PRDM10: variants seen among roughly 807,000 people sequenced by gnomAD.
PRDM10 encodes PR domain zinc finger protein 10.
A neutral mutation model predicts 133.1 loss-of-function variants in PRDM10; 65 were observed. That is an observed-to-expected ratio of 0.49 (90% CI 0.40 to 0.60). PRDM10 has a LOEUF of 0.60. Among genes scored for constraint, PRDM10 ranks in the 20% least tolerant of loss-of-function variants. PRDM10 has a pLI of 0.00. For synonymous variants in PRDM10, 582 were observed against 580.4 expected (o/e 1.00, Z -0.04); for missense variants, 1,137 against 1,507.1 (o/e 0.75, Z 4.07).
chr11:129,977,963 TAAA>T (rs200249658), intron 1 of PRDM10, among the ~76,000 whole-genome samples: 17 of 145,864 alleles, frequency 1.2e-4, no homozygotes, highest in South Asian at 4.3e-4. Flanking sequence ...ACCCTGTCTT[TAAA>T]AAAAAAAAGA....
chr11:129,905,363 GAAAA>G (rs57268294), intron 20 of PRDM10, among the ~76,000 whole-genome samples: 1 of 69,442 alleles, frequency 1.4e-5, no homozygotes, highest in Non-Finnish European at 2.8e-5. Flanking sequence ...CTCTGTCTCA[GAAAA>G]AAAAAAAAAA....
intron 8 of PRDM10, among the ~76,000 whole-genome samples, chr11:129,935,698 C>G (rs1467142429): frequency 6.6e-6 from 1 of 152,210 alleles, no homozygotes; most frequent in Admixed American, 6.5e-5. Flanking sequence ...CAACTCCACT[C>G]CTACATACAT....
intron 18 of PRDM10, among the ~76,000 whole-genome samples, chr11:129,911,527 A>C (rs1331205623): frequency 6.6e-6 from 1 of 152,224 alleles, no homozygotes; most frequent in East Asian, 1.9e-4. Flanking sequence ...ATCTAAACAG[A>C]ATAACCCTGT....
chr11:129,939,462 C>G (rs189436159), intron 7 of PRDM10, among the ~76,000 whole-genome samples: 4 of 152,278 alleles, frequency 2.6e-5, no homozygotes, highest in Admixed American at 2.6e-4. Context: ...AAATCCTACC[C>G]TGATCAATTC....
At chr11:129,914,495 T>C (rs752449665) in intron 17 of PRDM10, 21 of 705,316 alleles carry the variant, frequency 3.0e-5, no homozygotes, top group Non-Finnish European at 4.9e-5. Flanking sequence ...GAACCTAAAA[T>C]TTCCTGACTA....
In PRDM10 at chr11:129,971,443, A is replaced by G. The variant is rs1190749354; in HGVS notation, c.-118-10361T>C. Among the ~76,000 whole-genome samples, 19 of 152,106 alleles carry G rather than the reference A, an allele frequency of 1.2e-4. 1 individual carries two copies. Among genetic ancestry groups the G allele is most frequent in the Non-Finnish European group, 1.8e-4 (12 of 68,026 alleles). On this transcript the variant is annotated intron_variant, in intron 1 of 20. Transcript: ENST00000360871. Reference sequence around the variant, plus strand: ...TTAGTTAGATACAGAGTGTCGACACAAAGGTTCTCCAAGGCCCCACCAGAG... The same window carrying G: ...TTAGTTAGATACAGAGTGTCGACACGAAGGTTCTCCAAGGCCCCACCAGAG...
intron 19 of PRDM10, among the ~76,000 whole-genome samples, chr11:129,907,780 T>C (rs998460777): frequency 6.6e-6 from 1 of 151,988 alleles, no homozygotes; most frequent in African/African-American, 2.4e-5. Flanking sequence ...ATTTTAAATA[T>C]ATTTGTGGGT....
chr11:129,945,100 G>A lies in PRDM10; in HGVS notation c.521-88C>T, dbSNP rs531080272. The A allele has an allele frequency of 6.5e-7, 1 of 1,530,662 alleles. No homozygotes were observed. Among genetic ancestry groups the A allele is most frequent in the Non-Finnish European group, 8.8e-7 (1 of 1,130,326 alleles). 94.8% of individuals were successfully genotyped at this position (1,530,662 alleles called of 1,614,324 possible). On this transcript the variant is annotated intron_variant, in intron 5 of 20. Coordinates refer to ENST00000360871, the MANE Select transcript of PRDM10 (RefSeq NM_199437.2). This position sits in a 1 kb window ranked among gnomAD's most constrained non-coding sequence, Gnocchi z 4.2. ...AAAAATTCTGACCCGAAAAATCCCC[G>A]TCTGCATTTTCAAGCCAAAATTCAA...
At chr11:129,965,268 A>G (rs1951881946) in intron 1 of PRDM10, among the ~76,000 whole-genome samples, 1 of 152,182 alleles carries the variant, frequency 6.6e-6, no homozygotes, top group Non-Finnish European at 1.5e-5. Context: ...AAAGAAAGAA[A>G]AGAAATCTAA....
At chr11:129,961,136 T>C (rs1951787944) in intron 1 of PRDM10, 54 bp from the exon 2 acceptor site, 1 of 502,160 alleles carries the variant, frequency 2.0e-6, no homozygotes, top group Non-Finnish European at 3.5e-6. Flanking sequence ...TACATTTTAA[T>C]ATATTATAAT....
chr11:129,964,713 A>C lies in PRDM10; in HGVS notation c.-118-3631T>G, dbSNP rs1951869337. 2.0e-5 allele frequency among the ~76,000 whole-genome samples: 3 copies of C among 152,258 alleles called. No homozygotes were observed. The South Asian group carries it at 6.2e-4, about 31-fold the overall frequency. ...AGGTTATTTCTAATATTTTGCAATT[A>C]CATGTGACACTATGATGAGAACTTT... On this transcript the variant is annotated intron_variant, in intron 1 of 20. Coordinates refer to ENST00000360871, the MANE Select transcript of PRDM10 (RefSeq NM_199437.2).
Position 129,918,744 on chromosome 11 carries a change from G to T in PRDM10, c.2035-26C>A. 1 of 1,585,486 alleles carries T rather than the reference G, an allele frequency of 6.3e-7. No individual in the cohort carries two copies. Among genetic ancestry groups the T allele is most frequent in the South Asian group, 1.1e-5 (1 of 88,160 alleles). ...CTATTTGGAGAGTATTTTTGAAAAC[G>T]GGGTAGACACGGGGGTAGAAAATTT... On this transcript the variant is annotated intron_variant, in intron 13 of 20. Transcript: ENST00000360871. This position sits in a 1 kb window ranked among gnomAD's most constrained non-coding sequence, Gnocchi z 5.3.
At chr11:129,949,951 A>G (rs1361325277) in intron 4 of PRDM10, among the ~76,000 whole-genome samples, 1 of 121,896 alleles carries the variant, frequency 8.2e-6, no homozygotes, top group African/African-American at 3.2e-5. Context: ...CCCCAAAAAA[A>G]GAGGCCAGGC....
chr11:130,002,330 C>G (rs2136023948), intron 1 of PRDM10, among the ~76,000 whole-genome samples: 1 of 151,974 alleles, frequency 6.6e-6, no homozygotes, highest in South Asian at 2.1e-4. Context: ...TCGGGGGTCG[C>G]AGGGGGAGGC....
intron 1 of PRDM10, among the ~76,000 whole-genome samples, chr11:129,969,518 GCA>G: frequency 6.6e-6 from 1 of 152,204 alleles, no homozygotes; most frequent in South Asian, 2.1e-4. Flanking sequence ...GGAAGGCCTG[GCA>G]CAGTGGCTCA....
At chr11:129,914,242 T>A (rs1244128592) in intron 17 of PRDM10, among the ~76,000 whole-genome samples, 1 of 152,218 alleles carries the variant, frequency 6.6e-6, no homozygotes, top group African/African-American at 2.4e-5. Context: ...CCTCAAGTGA[T>A]CTGCCCGCCT....
At chr11:129,948,122 C>T in intron 4 of PRDM10, 1 of 455,962 alleles carries the variant, frequency 2.2e-6, no homozygotes, top group Non-Finnish European at 4.4e-6. Flanking sequence ...AAATAAGACA[C>T]AGTTTGGGTC....
chr11:129,908,619 A>G (rs1318769927), intron 19 of PRDM10, among the ~76,000 whole-genome samples: 1 of 152,220 alleles, frequency 6.6e-6, no homozygotes, highest in Non-Finnish European at 1.5e-5. Flanking sequence ...CTGAGGCTGG[A>G]CAATGGGTAC....
chr11:129,922,625 G>A (rs1261340013), intron 13 of PRDM10, among the ~76,000 whole-genome samples: 2 of 152,136 alleles, frequency 1.3e-5, no homozygotes, highest in African/African-American at 4.8e-5. Context: ...GTCTTCCAGT[G>A]ACATTTTTGC....
Sources: allele counts gnomAD v4.1 joint callset (sites outside exome capture counted in the v4.1 genomes callset), GRCh38; gene constraint gnomAD v4.1.1; non-coding constraint Gnocchi (gnomAD v3.1); transcripts MANE v1.5; gene names NCBI Gene and HGNC (gene_info 2026-07-23, HGNC 2026-07-21).